Variants in BCAS1 observed in about 807,000 individuals in gnomAD.
BCAS1 encodes the protein brain enriched myelin associated protein 1, also known as breast carcinoma-amplified sequence 1.
In BCAS1, 46 loss-of-function variants were observed where a neutral mutation model predicts 65.4. The observed-to-expected ratio is 0.70, with a 90% CI of 0.55 to 0.90. BCAS1 has a LOEUF of 0.90. BCAS1 is among the 40% of genes least tolerant of loss of function. The pLI is 0.00. For synonymous variants in BCAS1, 298 were observed against 293.5 expected, an observed-to-expected ratio of 1.02 and a Z score of -0.16; for missense variants, 793 against 771.2, an observed-to-expected ratio of 1.03 and a Z score of -0.33.
rs465184 is a variant in BCAS1 at position 54,058,076 on chromosome 20, A to G, written c.142+9T>C. ...AGAGGGTAGATGCCCTTCCCAGAGT[A>G]GCACTGACCTTCCTCTAAGTGCTGA... On this transcript the variant is annotated intron_variant, in intron 3 of 12. Coordinates refer to ENST00000688948, the MANE Select transcript of BCAS1 (RefSeq NM_001366298.2). 1,052,438 of 1,607,238 alleles carry G rather than the reference A, an allele frequency of 0.65. 349,644 individuals carry two copies. Among genetic ancestry groups the G allele is most frequent in the African/African-American group, 0.93 (69,566 of 74,522 alleles).
chr20:53,977,050 C>T (rs553416445), intron 8 of BCAS1, among the ~76,000 whole-genome samples: 1 of 152,246 alleles, frequency 6.6e-6, no homozygotes, highest in African/African-American at 2.4e-5. Context: ...AACTTACAAT[C>T]ATGGTGGAAG....
chr20:54,020,876 G>A (rs1170305221), intron 4 of BCAS1, among the ~76,000 whole-genome samples: 1 of 152,208 alleles, frequency 6.6e-6, no homozygotes, highest in African/African-American at 2.4e-5. Flanking sequence ...ATTACTTCAT[G>A]AATTCTTTGT....
intron 8 of BCAS1, among the ~76,000 whole-genome samples, chr20:53,983,732 G>A (rs1418929123): frequency 6.6e-6 from 1 of 152,200 alleles, no homozygotes; most frequent in Non-Finnish European, 1.5e-5. Context: ...CAGGCAATCT[G>A]TACTCTATGA....
intron 7 of BCAS1, 96 bp from the exon 8 acceptor site, chr20:53,985,595 T>C: frequency 1.9e-6 from 2 of 1,043,758 alleles, no homozygotes; most frequent in Admixed American, 2.6e-5. Context: ...GCTGAGGTTA[T>C]ACATAATGTT....
chr20:54,018,334 T>C (rs2091482924), intron 4 of BCAS1, among the ~76,000 whole-genome samples: 1 of 152,034 alleles, frequency 6.6e-6, no homozygotes, highest in Non-Finnish European at 1.5e-5. Flanking sequence ...CTGGGGAATC[T>C]AAAATCATTC....
At chr20:54,026,962 C>T (rs1568892437) in intron 4 of BCAS1, among the ~76,000 whole-genome samples, 3 of 152,230 alleles carry the variant, frequency 2.0e-5, no homozygotes, top group Admixed American at 2.0e-4. Flanking sequence ...GACTCTGTGT[C>T]TCGCCCTTCA....
In BCAS1 at chr20:54,020,028, C is replaced by A. The variant is rs544462403; in HGVS notation, c.723+8364G>T. Among the ~76,000 whole-genome samples, 3 of 152,350 alleles carry A rather than the reference C, an allele frequency of 2.0e-5. No individual in the cohort carries two copies. In the South Asian group the frequency reaches 6.2e-4, roughly 32 times the overall value. On this transcript the variant is annotated intron_variant, in intron 4 of 12. Coordinates refer to ENST00000688948, the MANE Select transcript of BCAS1 (RefSeq NM_001366298.2). ...CACATATACGTCTATCCTATTAGTT[C>A]TGTCCCTTTGGAGAACCCTGACTAA...
chr20:54,054,552 C>T (rs1205961373), intron 3 of BCAS1, among the ~76,000 whole-genome samples: 1 of 152,082 alleles, frequency 6.6e-6, no homozygotes, highest in African/African-American at 2.4e-5. Context: ...TGCATGAGGA[C>T]AACAATAAGC....
chr20:54,040,656 C>G (rs2091974147), intron 3 of BCAS1, among the ~76,000 whole-genome samples: 1 of 151,180 alleles, frequency 6.6e-6, no homozygotes. Context: ...GTCTTCACAC[C>G]CACGAGGATG....
chr20:54,036,893 T>A (rs2146172996), intron 3 of BCAS1, among the ~76,000 whole-genome samples: 1 of 151,440 alleles, frequency 6.6e-6, no homozygotes, highest in African/African-American at 2.4e-5. Context: ...AACATAAGTA[T>A]CTGGGCCAGG....
At chr20:54,004,513 G>A (rs1303463485) in intron 4 of BCAS1, among the ~76,000 whole-genome samples, 1 of 152,194 alleles carries the variant, frequency 6.6e-6, no homozygotes, top group African/African-American at 2.4e-5. Flanking sequence ...GCTATTACAT[G>A]AATAACTGAA....
At chr20:54,017,399 CT>C (rs200791354) in intron 4 of BCAS1, among the ~76,000 whole-genome samples, 7,780 of 121,598 alleles carry the variant, frequency 0.064, 219 homozygotes, top group Middle Eastern at 0.13. Context: ...TTTTTCTTTT[CT>C]TTTTTTTTTT....
chr20:53,947,069 G>C (rs1011572210), intron 12 of BCAS1, among the ~76,000 whole-genome samples: 2 of 152,070 alleles, frequency 1.3e-5, no homozygotes, highest in African/African-American at 4.8e-5. Flanking sequence ...ACATAGTGTA[G>C]TGTAATTTCA....
At chr20:53,960,287 ACT>A (rs2089834253) in intron 10 of BCAS1, among the ~76,000 whole-genome samples, 2 of 151,936 alleles carry the variant, frequency 1.3e-5, no homozygotes. Context: ...TTCATTAGGG[ACT>A]CTGTCAATTT....
chr20:53,957,295 C>A, intron 11 of BCAS1, 137 bp downstream of exon 11: 1 of 756,038 alleles, frequency 1.3e-6, no homozygotes, highest in Non-Finnish European at 2.3e-6. Flanking sequence ...CAACATAGTT[C>A]TTGGCATATA....
At chr20:53,996,920 C>T (rs1318656218) in intron 4 of BCAS1, among the ~76,000 whole-genome samples, 3 of 152,228 alleles carry the variant, frequency 2.0e-5, no homozygotes, top group African/African-American at 7.2e-5. Context: ...TTCTGGCCCA[C>T]TTTCTTTGAG....
chr20:53,963,456 G>T (rs1256449239), intron 10 of BCAS1, among the ~76,000 whole-genome samples: 2 of 151,872 alleles, frequency 1.3e-5, no homozygotes, highest in Non-Finnish European at 2.9e-5. Flanking sequence ...ACTCCAGCCT[G>T]GGGGACAAAG....
At chr20:53,975,508 T>C in intron 8 of BCAS1, 78 bp from the exon 9 acceptor site, 1 of 1,208,658 alleles carries the variant, frequency 8.3e-7, no homozygotes, top group Admixed American at 1.8e-5. Flanking sequence ...AAAGGGTTAG[T>C]TGGGCTCACA....
At chr20:54,000,048 C>T (rs531658832) in intron 4 of BCAS1, among the ~76,000 whole-genome samples, 3 of 152,258 alleles carry the variant, frequency 2.0e-5, no homozygotes, top group Admixed American at 6.5e-5. Context: ...ACGTTTTCAT[C>T]GAGGTCTTTC....
Sources: gnomAD v4.1 joint callset for allele counts (sites outside exome capture counted in the v4.1 genomes callset) on GRCh38, gnomAD v4.1.1 for gene constraint, MANE v1.5 for transcripts, NCBI Gene and HGNC (gene_info 2026-07-23, HGNC 2026-07-21) for gene names.